RAP1GAP2: variants seen among roughly 807,000 people sequenced by gnomAD.
The protein encoded by RAP1GAP2 is rap1 GTPase-activating protein 2.
Under a neutral mutation model 95.0 loss-of-function variants are expected in RAP1GAP2, and 27 were observed. That is an observed-to-expected ratio of 0.28 (90% CI 0.21 to 0.39). The LOEUF is 0.39. Among genes scored for constraint, RAP1GAP2 ranks in the 10% least tolerant of loss-of-function variants. RAP1GAP2 has a pLI of 1.00. For missense variants in RAP1GAP2, 771 were observed against 970.0 expected (o/e 0.79, Z 2.72); for synonymous variants, 373 against 380.9 (o/e 0.98, Z 0.24).
At chr17:2,966,372 G>A (rs1463175260) in intron 8 of RAP1GAP2, among the ~76,000 whole-genome samples, 1 of 152,206 alleles carries the variant, frequency 6.6e-6, no homozygotes, top group South Asian at 2.1e-4. Context: ...ATGGGGGCAC[G>A]AAGGAATCTG....
chr17:2,957,770 C>G lies in RAP1GAP2; in HGVS notation c.177C>G (p.Phe59Leu). 6.2e-7 allele frequency: 1 copy of G among 1,607,688 alleles called. No homozygotes were observed. Among genetic ancestry groups the G allele is most frequent in the South Asian group, 1.1e-5 (1 of 90,116 alleles). ...TAPPTMKSSE[F>L]FEMLEKMQGI... ...CTTTTGTCTTTCAGTCGTCGGAGTT[C>G]TTTGAGATGCTGGAGAAAATGCAGG... The change falls in exon 4 of 25, where the codon TTC becomes TTG. Residue 59 changes from phenylalanine to leucine, a missense_variant. By Grantham distance (22) the Phe-to-Leu change is conservative. Transcript: ENST00000254695.
intron 2 of RAP1GAP2, among the ~76,000 whole-genome samples, chr17:2,876,213 AG>A (rs2073093843): frequency 6.6e-6 from 1 of 152,130 alleles, no homozygotes; most frequent in Non-Finnish European, 1.5e-5. Flanking sequence ...CTGGGATTAC[AG>A]GCATGAGCCA....
At chr17:2,967,139 C>A (rs528648675) in intron 8 of RAP1GAP2, among the ~76,000 whole-genome samples, 3 of 152,036 alleles carry the variant, frequency 2.0e-5, no homozygotes, top group African/African-American at 7.2e-5. Context: ...GAGGTCAAGG[C>A]GGGTGGATCA....
At chr17:2,917,693 C>T (rs2042615152) in intron 3 of RAP1GAP2, among the ~76,000 whole-genome samples, 1 of 152,018 alleles carries the variant, frequency 6.6e-6, no homozygotes, top group Admixed American at 6.6e-5. Context: ...GTGTGAGCCA[C>T]TGTGCCTGGC....
At chr17:2,893,082 T>A (rs1446900225) in intron 2 of RAP1GAP2, among the ~76,000 whole-genome samples, 1 of 151,992 alleles carries the variant, frequency 6.6e-6, no homozygotes, top group African/African-American at 2.4e-5. Context: ...GGCTGGAGTG[T>A]AGTAGCGTGA....
At chr17:2,980,715 G>C (rs928078986) in intron 9 of RAP1GAP2, among the ~76,000 whole-genome samples, 1 of 152,198 alleles carries the variant, frequency 6.6e-6, no homozygotes, top group African/African-American at 2.4e-5. Context: ...GGGTGAGGGC[G>C]GGTGGCCTGG....
intron 19 of RAP1GAP2, 101 bp from the exon 20 acceptor site, chr17:3,025,907 C>A: frequency 1.2e-6 from 1 of 849,888 alleles, no homozygotes. Context: ...TCTGACCCCA[C>A]TGCCCCTCAC....
chr17:2,987,001 C>G (rs185075220), intron 11 of RAP1GAP2, among the ~76,000 whole-genome samples: 41 of 152,250 alleles, frequency 2.7e-4, no homozygotes, highest in Middle Eastern at 6.8e-3. Context: ...GGTAAAGGGC[C>G]AGATAGTAAA....
intron 10 of RAP1GAP2, among the ~76,000 whole-genome samples, chr17:2,984,279 C>T (rs1460025419): frequency 6.6e-6 from 1 of 152,030 alleles, no homozygotes. Flanking sequence ...ACCCGGGAGG[C>T]GGAGGTTGCA....
chr17:2,990,196 A>T (rs2045704291), intron 11 of RAP1GAP2, among the ~76,000 whole-genome samples: 1 of 152,170 alleles, frequency 6.6e-6, no homozygotes, highest in Non-Finnish European at 1.5e-5. Flanking sequence ...GCTGCTATTG[A>T]TATTCATGCA....
chr17:2,846,332 T>G (rs965718984), intron 2 of RAP1GAP2, among the ~76,000 whole-genome samples: 1 of 152,178 alleles, frequency 6.6e-6, no homozygotes, highest in Non-Finnish European at 1.5e-5. Context: ...CCTTTATTAT[T>G]GGGTCGTATT....
rs759357335 is a variant in RAP1GAP2, at chr17:3,004,242, C to T, written c.1201-1127C>T. On this transcript the variant is annotated intron_variant, in intron 14 of 24. Transcript: ENST00000254695. The surrounding 1 kb of genome is among the most constrained non-coding windows in gnomAD (Gnocchi z 4.1). ...GCCGAACGCGCACCATTTCCTGACT[C>T]GGGGCACTGCAGTTTGGGCTGGGCA... is the stretch of plus-strand genomic sequence containing the variant. Among the ~76,000 whole-genome samples, 3 of 152,218 alleles carry T rather than the reference C, an allele frequency of 2.0e-5. No homozygotes were observed. The highest frequency in any genetic ancestry group is 2.9e-5 in the Non-Finnish European group (2 of 68,030).
At chr17:2,763,798 A>G (rs2068228524) in intron 1 of RAP1GAP2, among the ~76,000 whole-genome samples, 1 of 151,934 alleles carries the variant, frequency 6.6e-6, no homozygotes, top group Admixed American at 6.6e-5. Context: ...GGGTGGGGCC[A>G]GGAGGTGAAG....
intron 1 of RAP1GAP2, among the ~76,000 whole-genome samples, chr17:2,762,813 G>A (rs1473097851): frequency 6.6e-6 from 1 of 151,748 alleles, no homozygotes; most frequent in African/African-American, 2.4e-5. Context: ...GGTAGCTGGG[G>A]CTATAGGTGC....
upstream of RAP1GAP2, among the ~76,000 whole-genome samples, chr17:2,772,799 G>C (rs888590050): frequency 3.3e-5 from 5 of 150,828 alleles, no homozygotes; most frequent in Admixed American, 1.3e-4. Context: ...AGAGAATAAG[G>C]TTTATACTTG....
chr17:2,797,576 C>T lies in RAP1GAP2; in HGVS notation c.44+1005C>T, dbSNP rs112647876. On this transcript the variant is annotated intron_variant, in intron 1 of 24. Coordinates refer to ENST00000254695, the MANE Select transcript of RAP1GAP2 (RefSeq NM_015085.5). This position sits in a 1 kb window ranked among gnomAD's most constrained non-coding sequence, Gnocchi z 5.6. ...CGAGGGGGAGAGGGGCTGTGTTCCT[C>T]GGTAATTTTTCGCTTCCGTGTGTGT... The T allele has an allele frequency of 3.9e-3, 1,675 of 433,494 alleles. 18 individuals carry two copies. Among genetic ancestry groups the T allele is most frequent in the African/African-American group, 0.031 (1,458 of 46,376 alleles). 26.9% of individuals were successfully genotyped at this position (433,494 alleles called of 1,614,324 possible). A position where few individuals can be genotyped will look rare whatever the true frequency, so the allele number is the denominator to read the frequency against.
At position 2,855,837 on chromosome 17, in the gene RAP1GAP2, C is replaced by T. The variant is rs2072110783; in HGVS notation, c.81-49447C>T. ...CCATGTTGCCCAGGGTGGTCTCAAA[C>T]TCCTGAGCTCAGGCGATCCACCTGC... On this transcript the variant is annotated intron_variant, in intron 2 of 24. Coordinates refer to ENST00000254695, the MANE Select transcript of RAP1GAP2 (RefSeq NM_015085.5). The surrounding 1 kb of genome is among the most constrained non-coding windows in gnomAD (Gnocchi z 4.3). 6.6e-6 allele frequency among the ~76,000 whole-genome samples: 1 copy of T among 152,212 alleles called. No individual in the cohort carries two copies. Among genetic ancestry groups the T allele is most frequent in the South Asian group, 2.1e-4 (1 of 4,832 alleles).
At chr17:2,773,175 T>C (rs554422114), upstream of RAP1GAP2, among the ~76,000 whole-genome samples, 2 of 152,240 alleles carry the variant, frequency 1.3e-5, no homozygotes, top group African/African-American at 4.8e-5. Context: ...CCGCAAACTA[T>C]AGATGGGTGG....
At chr17:2,905,458 G>A (rs535283139) in intron 3 of RAP1GAP2, 90 bp downstream of exon 3, 57 of 1,277,694 alleles carry the variant, frequency 4.5e-5, no homozygotes, top group Middle Eastern at 4.1e-4. Flanking sequence ...GCCCAGCAGC[G>A]TCCGTCGCAG....
Sources: gnomAD v4.1 joint callset for allele counts (sites outside exome capture counted in the v4.1 genomes callset) on GRCh38, gnomAD v4.1.1 for gene constraint, Gnocchi (gnomAD v3.1) non-coding constraint, MANE v1.5 for transcripts, NCBI Gene and HGNC (gene_info 2026-07-23, HGNC 2026-07-21) for gene names.